PHF13: variants seen among roughly 807,000 people sequenced by gnomAD.
The protein encoded by PHF13 is PHD finger protein 13, also known as PHD zinc finger protein PHF5.
PHF13 carries 1 observed loss-of-function variant against 25.8 expected under a neutral mutation model. That is an observed-to-expected ratio of 0.04 (90% CI 0.01 to 0.18). The LOEUF is 0.18. Ranked by LOEUF, PHF13 falls within the 10% of genes least tolerant of loss-of-function variation. The pLI is 1.00. For missense variants in PHF13, 306 were observed against 403.2 expected (o/e 0.76, Z 2.06); for synonymous variants, 195 against 162.4 (o/e 1.20, Z -1.53).
chr1:6,615,907 GT>G (rs1206263283), intron 1 of PHF13, among the ~76,000 whole-genome samples: 1 of 152,120 alleles, frequency 6.6e-6, no homozygotes, highest in East Asian at 1.9e-4. Flanking sequence ...GGCTGGGACA[GT>G]GGAGGGGACC....
rs761286943 is a variant in PHF13 at position 6,620,008 on chromosome 1, T to TGAAGAA, written c.359_364dup (p.Lys120_Lys121dup). The TGAAGAA allele has an allele frequency of 1.9e-6, 3 of 1,612,886 alleles. No individual in the cohort carries two copies. Among genetic ancestry groups the TGAAGAA allele is most frequent in the East Asian group, 2.2e-5 (1 of 44,828 alleles). On this transcript the variant is annotated inframe_insertion, in exon 3 of 4. Transcript: ENST00000377648. Reference sequence around the variant, plus strand: ...CTGGACAGAAAGAAAACGGACAAGCTGAAGAAGAAGAAGAAGAGGAAGCGC... The same window carrying TGAAGAA: ...CTGGACAGAAAGAAAACGGACAAGCTGAAGAAGAAGAAGAAGAAGAAGAGGAAGCGC...
intron 2 of PHF13, among the ~76,000 whole-genome samples, chr1:6,618,538 C>T (rs56377499): frequency 0.029 from 4,488 of 152,158 alleles, 199 homozygotes; most frequent in African/African-American, 0.096. Flanking sequence ...TTTACAGGCA[C>T]GAGCCACTGT....
intron 3 of PHF13, among the ~76,000 whole-genome samples, chr1:6,620,545 T>G (rs1641323106): frequency 6.6e-6 from 1 of 152,168 alleles, no homozygotes; most frequent in Non-Finnish European, 1.5e-5. Flanking sequence ...CAGCTGAGAT[T>G]CTAAGACCTT....
At chr1:6,620,458 C>T in intron 3 of PHF13, 121 bp downstream of exon 3, 1 of 1,153,310 alleles carries the variant, frequency 8.7e-7, no homozygotes, top group Non-Finnish European at 1.2e-6. Flanking sequence ...TGTGACAGCC[C>T]CACTGTCCAA....
chr1:6,615,551 C>T (rs1006899108), intron 1 of PHF13, among the ~76,000 whole-genome samples: 1 of 152,190 alleles, frequency 6.6e-6, no homozygotes, highest in Non-Finnish European at 1.5e-5. Context: ...CCCCTGCCCC[C>T]CATTTCCCCA....
Position 6,614,093 on chromosome 1 carries a change from CT to C in PHF13, c.29del (p.Phe10SerfsTer42). 6.2e-7 allele frequency: 1 copy of C among 1,600,756 alleles called. No homozygotes were observed. Among genetic ancestry groups the C allele is most frequent in the East Asian group, 2.3e-5 (1 of 43,118 alleles). MDSDSCAAA[F>X]HPEEYSPSCK... ...TGGACTCTGACTCTTGCGCCGCCGC[CT>C]TCCACCCGGAGGTGAGTGAAGCTGT... On this transcript the variant is annotated frameshift_variant, in exon 1 of 4. Coordinates refer to ENST00000377648, the MANE Select transcript of PHF13 (RefSeq NM_153812.3). LOFTEE classifies it high-confidence loss of function.
At position 6,621,036 on chromosome 1, in the gene PHF13, A is replaced by AG. The variant is rs1641330782; in HGVS notation, c.677-375_677-374insG. ...GACAGCAAAACTCCGTCTCAAGAAA[A>AG]AAAAAAAAAACAATAGTCGAGTGTG... On this transcript the variant is annotated intron_variant, in intron 3 of 3. Transcript: ENST00000377648. This position sits in a 1 kb window ranked among gnomAD's most constrained non-coding sequence, Gnocchi z 4.8. 6.7e-6 allele frequency among the ~76,000 whole-genome samples: 1 copy of AG among 150,246 alleles called. No individual in the cohort carries two copies. The highest frequency in any genetic ancestry group is 1.5e-5 in the Non-Finnish European group (1 of 67,550).
intron 1 of PHF13, among the ~76,000 whole-genome samples, chr1:6,614,846 C>T (rs1302352570): frequency 2.6e-5 from 4 of 151,624 alleles, no homozygotes; most frequent in African/African-American, 7.2e-5. Flanking sequence ...CCCGCGCGGT[C>T]CCCTCCCCCC....
chr1:6,617,004 A>G (rs10779795), intron 2 of PHF13, 146 bp downstream of exon 2: 214,255 of 622,008 alleles, frequency 0.34, 38,549 homozygotes, highest in South Asian at 0.46. Context: ...GTCTGGCAGA[A>G]ATCTGTTTCT....
chr1:6,617,495 T>C (rs1641279210), intron 2 of PHF13, among the ~76,000 whole-genome samples: 1 of 152,238 alleles, frequency 6.6e-6, no homozygotes, highest in Non-Finnish European at 1.5e-5. Flanking sequence ...TGGAGTGCCG[T>C]GGTGCAATTG....
Position 6,613,767 on chromosome 1 carries a change from A to AGGTCGGGGAGCC in PHF13, c.-292_-281dup, listed in dbSNP as rs1641205787. 1 of 174,846 alleles carries AGGTCGGGGAGCC rather than the reference A, an allele frequency of 5.7e-6. No individual in the cohort carries two copies. The highest frequency in any genetic ancestry group is 6.8e-5 in the South Asian group (1 of 14,720). The allele number at this position is 174,846 out of a possible 1,614,324, so 10.8% of individuals were successfully genotyped here. A position where few individuals can be genotyped will look rare whatever the true frequency, so the allele number is the denominator to read the frequency against. On this transcript the variant is annotated 5_prime_UTR_variant, in exon 1 of 4. Coordinates refer to ENST00000377648, the MANE Select transcript of PHF13 (RefSeq NM_153812.3). Reference sequence around the variant, plus strand: ...CGAGACACGAGCCGAACTGGGCGTCAGGTCGGGGAGCCGGTCGGGTTCCCG... The same window carrying AGGTCGGGGAGCC: ...CGAGACACGAGCCGAACTGGGCGTCAGGTCGGGGAGCCGGTCGGGGAGCCGGTCGGGTTCCCG...
intron 3 of PHF13, among the ~76,000 whole-genome samples, chr1:6,620,839 G>C (rs1400570466): frequency 1.3e-5 from 2 of 151,520 alleles, no homozygotes; most frequent in East Asian, 3.9e-4. Flanking sequence ...CCAACATGGT[G>C]AAACCCCGAC....
chr1:6,614,156 C>T lies in PHF13; in HGVS notation c.39+51C>T, dbSNP rs369122514. The stretch of plus-strand genomic sequence containing the variant: ...GCCCCCGACCACCCCCTCCGCGATC[C>T]TGCCGTCCTCAGGCAGCCAGACCCC... On this transcript the variant is annotated intron_variant, in intron 1 of 3. Transcript: ENST00000377648. The T allele has an allele frequency of 3.1e-5, 48 of 1,573,052 alleles. No homozygotes were observed. The African/African-American group carries it at 4.5e-4, about 15-fold the overall frequency.
At position 6,618,138 on chromosome 1, in the gene PHF13, CAGCTTTT is replaced by C. The variant is rs990577344; in HGVS notation, c.141+1281_141+1287del. ...CGATTAAGCTCAAAATTGAACAATCCAGCTTTTTTTTTTTTGCGACAGGTCTTGCTCT... is the reference window on the plus strand; with the variant it reads ...CGATTAAGCTCAAAATTGAACAATCCTTTTTTTTGCGACAGGTCTTGCTCT... On this transcript the variant is annotated intron_variant, in intron 2 of 3. Coordinates refer to ENST00000377648, the MANE Select transcript of PHF13 (RefSeq NM_153812.3). 6.6e-5 allele frequency among the ~76,000 whole-genome samples: 10 copies of C among 151,656 alleles called. No individual in the cohort carries two copies. The South Asian group carries it at 1.5e-3, about 22-fold the overall frequency.
rs1415239046 is a variant in PHF13 at position 6,623,718 on chromosome 1, T to A, written c.*2081T>A. 1 of 152,630 alleles carries A rather than the reference T, an allele frequency of 6.6e-6. No individual in the cohort carries two copies. Among genetic ancestry groups the A allele is most frequent in the Middle Eastern group, 3.2e-3 (1 of 316 alleles). 9.5% of individuals were successfully genotyped at this position (152,630 alleles called of 1,614,324 possible). A position where few individuals can be genotyped will look rare whatever the true frequency, so the allele number is the denominator to read the frequency against. On this transcript the variant is annotated 3_prime_UTR_variant, in exon 4 of 4. Transcript: ENST00000377648. ...GGTGGTGTCTAAGAAGTCGGACACCTTGGTTTTTGTGTTAGATTGAGCTGG... is the reference window on the plus strand; with the variant it reads ...GGTGGTGTCTAAGAAGTCGGACACCATGGTTTTTGTGTTAGATTGAGCTGG...
At chr1:6,614,179 C>T (rs1570220424) in intron 1 of PHF13, 74 bp downstream of exon 1, 1 of 1,464,780 alleles carries the variant, frequency 6.8e-7, no homozygotes, top group East Asian at 2.5e-5. Flanking sequence ...GCAGCCAGAC[C>T]CCCGGTCGCC....
intron 1 of PHF13, chr1:6,614,403 C>T (rs1003404466): frequency 3.0e-5 from 12 of 401,112 alleles, no homozygotes; most frequent in East Asian, 5.1e-5. Context: ...CTCGCGTCGA[C>T]CTGGGACCTG....
At position 6,623,238 on chromosome 1, in the gene PHF13, A is replaced by G. The variant is rs1185312277; in HGVS notation, c.*1601A>G. 5 of 152,212 alleles carry G rather than the reference A, an allele frequency of 3.3e-5. No homozygotes were observed. The highest frequency in any genetic ancestry group is 1.9e-4 in the East Asian group (1 of 5,188). 9.4% of individuals were successfully genotyped at this position (152,212 alleles called of 1,614,324 possible). A position where few individuals can be genotyped will look rare whatever the true frequency, so the allele number is the denominator to read the frequency against. On this transcript the variant is annotated 3_prime_UTR_variant, in exon 4 of 4. Coordinates refer to ENST00000377648, the MANE Select transcript of PHF13 (RefSeq NM_153812.3). ...TTTTTTTTGTCCTAGTATCTTTCAC[A>G]CTTGTCCAACCGTCTTATTTTTTTA...
chr1:6,618,603 T>C (rs1641294591), intron 2 of PHF13, among the ~76,000 whole-genome samples: 1 of 152,192 alleles, frequency 6.6e-6, no homozygotes, highest in Non-Finnish European at 1.5e-5. Flanking sequence ...TTGGTTTATT[T>C]CCATCTGCTA....
Sources: allele counts gnomAD v4.1 joint callset (sites outside exome capture counted in the v4.1 genomes callset), GRCh38; gene constraint gnomAD v4.1.1; non-coding constraint Gnocchi (gnomAD v3.1); transcripts MANE v1.5; gene names NCBI Gene and HGNC (gene_info 2026-07-23, HGNC 2026-07-21).